The following NCK2 variants were observed in gnomAD, a reference collection of about 807,000 sequenced individuals.
The protein encoded by NCK2 is cytoplasmic protein NCK2.
Under a neutral mutation model 33.9 loss-of-function variants are expected in NCK2, and 16 were observed. That is an observed-to-expected ratio of 0.47 (90% CI 0.32 to 0.72). NCK2 has a LOEUF of 0.72. NCK2 is among the 30% of genes least tolerant of loss of function. NCK2 has a pLI of 0.03. For synonymous variants in NCK2, 273 were observed against 239.9 expected, an observed-to-expected ratio of 1.14 and a Z score of -1.27; for missense variants, 418 against 537.3, an observed-to-expected ratio of 0.78 and a Z score of 2.19.
chr2:105,804,275 A>T (rs540029998), intron 1 of NCK2, among the ~76,000 whole-genome samples: 1 of 152,362 alleles, frequency 6.6e-6, no homozygotes, highest in African/African-American at 2.4e-5. Flanking sequence ...TGAACGGACC[A>T]GCGCTTTTCT....
chr2:105,765,146 G>C (rs4851846), intron 1 of NCK2, among the ~76,000 whole-genome samples: 51,137 of 151,934 alleles, frequency 0.34, 9,723 homozygotes, highest in East Asian at 0.46. Flanking sequence ...GTTTTCAGTA[G>C]TGTGGAAGTA....
At chr2:105,814,609 C>A (rs1675415406) in intron 1 of NCK2, among the ~76,000 whole-genome samples, 1 of 152,120 alleles carries the variant, frequency 6.6e-6, no homozygotes, top group Admixed American at 6.5e-5. Context: ...CCTCTGTTCG[C>A]ATGCAGAAGA....
intron 2 of NCK2, among the ~76,000 whole-genome samples, chr2:105,841,163 G>A (rs143569568): frequency 5.4e-4 from 82 of 152,300 alleles, no homozygotes; most frequent in African/African-American, 1.9e-3. Context: ...GTAAAATGTA[G>A]ATTTACTGGG....
chr2:105,844,640 A>C lies in NCK2; in HGVS notation c.-16-10408A>C, dbSNP rs560102293. ...GTAATTGCAGCTACTCGGGAGGGTG[A>C]GGCAGAATTGCTCGAACCCAGGAGG... On this transcript the variant is annotated intron_variant, in intron 2 of 4. Coordinates refer to ENST00000233154, the MANE Select transcript of NCK2 (RefSeq NM_003581.5). Among the ~76,000 whole-genome samples the C allele has an allele frequency of 7.3e-5, 11 of 149,994 alleles. No individual in the cohort carries two copies. The South Asian group carries it at 2.3e-3, about 32-fold the overall frequency.
chr2:105,876,826 G>A (rs1194421738), intron 3 of NCK2, among the ~76,000 whole-genome samples: 3 of 152,114 alleles, frequency 2.0e-5, no homozygotes, highest in Admixed American at 6.5e-5. Flanking sequence ...TCTGGGTGCC[G>A]CCTCTTTACC....
intron 1 of NCK2, among the ~76,000 whole-genome samples, chr2:105,756,493 A>C (rs1689602411): frequency 6.6e-6 from 1 of 152,200 alleles, no homozygotes; most frequent in Non-Finnish European, 1.5e-5. Flanking sequence ...GTATCATTTG[A>C]TTCTAACTTT....
Position 105,835,389 on chromosome 2 carries a change from A to ACG in NCK2, c.-17+18776_-17+18777insCG, listed in dbSNP as rs1491287359. 3.0e-3 allele frequency among the ~76,000 whole-genome samples: 45 copies of ACG among 15,182 alleles called. 5 individuals carry two copies. Among genetic ancestry groups the ACG allele is most frequent in the African/African-American group, 0.011 (34 of 3,058 alleles). The allele number at this position is 15,182 out of a possible 152,430, so 10.0% of individuals were successfully genotyped here. On this transcript the variant is annotated intron_variant, in intron 2 of 4. Coordinates refer to ENST00000233154, the MANE Select transcript of NCK2 (RefSeq NM_003581.5). ...TATATATATATACATATATATACACATATATATATATATATACGTGTATAT... is the reference window on the plus strand; with the variant it reads ...TATATATATATACATATATATACACACGTATATATATATATATACGTGTATAT...
In NCK2 at chr2:105,766,428, A is replaced by G. The variant is rs933484300; in HGVS notation, c.-201+21290A>G. Among the ~76,000 whole-genome samples, 6 of 152,110 alleles carry G rather than the reference A, an allele frequency of 3.9e-5. No individual in the cohort carries two copies. The South Asian group carries it at 1.2e-3, about 32-fold the overall frequency. ...GGCCTCGACCTCCTGAGCTCAAGCAATCCTCCCACCTCAGTCACCTGAGTA... is the reference window on the plus strand; with the variant it reads ...GGCCTCGACCTCCTGAGCTCAAGCAGTCCTCCCACCTCAGTCACCTGAGTA... On this transcript the variant is annotated intron_variant, in intron 1 of 4. Transcript: ENST00000233154.
At chr2:105,880,274 C>A (rs549424622) in intron 3 of NCK2, among the ~76,000 whole-genome samples, 1 of 152,072 alleles carries the variant, frequency 6.6e-6, no homozygotes, top group Non-Finnish European at 1.5e-5. Flanking sequence ...TGGTTGCAGC[C>A]CATTAAAGTG....
intron 2 of NCK2, among the ~76,000 whole-genome samples, chr2:105,836,275 A>G (rs981392686): frequency 6.6e-6 from 1 of 151,876 alleles, no homozygotes; most frequent in African/African-American, 2.4e-5. Context: ...CATAGGGAAC[A>G]GAGTTTTTTG....
At chr2:105,755,712 A>G (rs1165876188) in intron 1 of NCK2, among the ~76,000 whole-genome samples, 2 of 152,224 alleles carry the variant, frequency 1.3e-5, no homozygotes, top group African/African-American at 4.8e-5. Context: ...ACCCATGCCT[A>G]TAAATTCGTG....
At chr2:105,778,335 T>C (rs1365360679) in intron 1 of NCK2, among the ~76,000 whole-genome samples, 3 of 152,198 alleles carry the variant, frequency 2.0e-5, no homozygotes, top group African/African-American at 7.2e-5. Context: ...TCAGGATCTG[T>C]TCTGTGTTCT....
At chr2:105,759,681 C>G (rs546498345) in intron 1 of NCK2, among the ~76,000 whole-genome samples, 1 of 152,154 alleles carries the variant, frequency 6.6e-6, no homozygotes, top group East Asian at 1.9e-4. Flanking sequence ...GTTTATTTGC[C>G]CTGACATCCT....
At chr2:105,812,285 T>C (rs545144575) in intron 1 of NCK2, among the ~76,000 whole-genome samples, 1 of 152,294 alleles carries the variant, frequency 6.6e-6, no homozygotes, top group African/African-American at 2.4e-5. Context: ...TTGGACACCT[T>C]TGAGTTTCGG....
intron 1 of NCK2, among the ~76,000 whole-genome samples, chr2:105,768,278 G>A (rs905084): frequency 0.54 from 82,592 of 152,102 alleles, 22,696 homozygotes; most frequent in East Asian, 0.67. Context: ...CTCAGTGGCC[G>A]CGTGTGGCCG....
chr2:105,844,747 G>GATAT (rs67123338), intron 2 of NCK2, among the ~76,000 whole-genome samples: 9,260 of 133,274 alleles, frequency 0.069, 392 homozygotes, highest in African/African-American at 0.12. Context: ...GGCGGGGGGG[G>GATAT]ATATATATAT....
chr2:105,835,393 A>ATATGTGTG (rs1553458580), intron 2 of NCK2, among the ~76,000 whole-genome samples: 1 of 51,674 alleles, frequency 1.9e-5, no homozygotes, highest in African/African-American at 6.8e-5. Context: ...ATACACATAT[A>ATATGTGTG]TATATATATA....
rs77244969 is a variant in NCK2 at position 105,823,331 on chromosome 2, G to A, written c.-17+6718G>A. Among the ~76,000 whole-genome samples the A allele has an allele frequency of 1.6e-3, 240 of 152,040 alleles. 3 individuals carry two copies. The highest frequency in any genetic ancestry group is 5.3e-3 in the African/African-American group (220 of 41,342). ...TGCAGAAGTGTCATTCAAGTTGGGC[G>A]TGTCTGGTGGAGGGTGTGGGAGGGG... On this transcript the variant is annotated intron_variant, in intron 2 of 4. Transcript: ENST00000233154.
At chr2:105,757,821 G>A (rs1324252442) in intron 1 of NCK2, among the ~76,000 whole-genome samples, 1 of 152,174 alleles carries the variant, frequency 6.6e-6, no homozygotes, top group African/African-American at 2.4e-5. Context: ...GAAGCATTCT[G>A]GAGGATAATA....
Sources: gnomAD v4.1 joint callset for allele counts (sites outside exome capture counted in the v4.1 genomes callset) on GRCh38, gnomAD v4.1.1 for gene constraint, MANE v1.5 for transcripts, NCBI Gene and HGNC (gene_info 2026-07-23, HGNC 2026-07-21) for gene names.